The following ANAPC10 variants were observed in gnomAD, a reference collection of about 807,000 sequenced individuals.
The protein encoded by ANAPC10 is anaphase promoting complex subunit 10, also known as anaphase-promoting complex subunit 10.
In ANAPC10, 12 loss-of-function variants were observed where a neutral mutation model predicts 22.0. The ratio of observed to expected loss-of-function variants is 0.55; its 90% CI spans 0.35 to 0.88. The LOEUF is 0.88. Among genes scored for constraint, ANAPC10 ranks in the 40% least tolerant of loss-of-function variants. ANAPC10 has a pLI of 0.01. For missense variants in ANAPC10, 188 were observed against 220.9 expected (o/e 0.85, Z 0.94); for synonymous variants, 65 against 69.5 (o/e 0.94, Z 0.32).
intron 4 of ANAPC10, among the ~76,000 whole-genome samples, chr4:145,059,623 T>C (rs1742584840): frequency 1.3e-5 from 2 of 152,138 alleles, no homozygotes; most frequent in African/African-American, 2.4e-5. Context: ...TTGTTTCTCA[T>C]ATAACAATAT....
At chr4:145,001,490 T>C (rs1227833422) in intron 4 of ANAPC10, among the ~76,000 whole-genome samples, 3 of 152,088 alleles carry the variant, frequency 2.0e-5, no homozygotes, top group Non-Finnish European at 4.4e-5. Context: ...GTTTACATGG[T>C]AGAGAGTTAA....
chr4:145,005,980 A>G (rs887561174), intron 4 of ANAPC10, among the ~76,000 whole-genome samples: 3 of 152,038 alleles, frequency 2.0e-5, no homozygotes, highest in Non-Finnish European at 2.9e-5. Context: ...CCATTTAGTT[A>G]AGTGTTGAGT....
chr4:145,035,585 G>T (rs1180141506), intron 4 of ANAPC10: 2 of 152,190 alleles, frequency 1.3e-5, no homozygotes, highest in Admixed American at 6.5e-5. Context: ...TAAGAAAAAA[G>T]AAATCAACTT....
At position 145,071,263 on chromosome 4, in the gene ANAPC10, AG is replaced by A. The variant is rs1579105392; in HGVS notation, c.207-6572del. The stretch of plus-strand genomic sequence containing the variant: ...CTCTATTAAAAATACAAAATTAGCC[AG>A]GCGTGGTGATGCATGCCTGTAATCC... On this transcript the variant is annotated intron_variant, in intron 3 of 4. Coordinates refer to ENST00000507656, the MANE Select transcript of ANAPC10 (RefSeq NM_001256706.2). Among the ~76,000 whole-genome samples, 6 of 152,226 alleles carry A rather than the reference AG, an allele frequency of 3.9e-5. No individual in the cohort carries two copies. The East Asian group carries it at 1.2e-3, about 29-fold the overall frequency.
At chr4:145,036,211 A>C (rs1001636786) in intron 4 of ANAPC10, among the ~76,000 whole-genome samples, 2 of 152,202 alleles carry the variant, frequency 1.3e-5, no homozygotes, top group Non-Finnish European at 2.9e-5. Flanking sequence ...AACCTACACT[A>C]GTAAGATGAA....
rs111592959 is a variant in ANAPC10 at position 145,012,176 on chromosome 4, G to GTATATA, written c.328-16579_328-16574dup. On this transcript the variant is annotated intron_variant, in intron 4 of 4. Transcript: ENST00000507656. ...AAGCTATATGTATATGTGTGTGTGT[G>GTATATA]TATATATATATATATATATACACAC... Among the ~76,000 whole-genome samples, 196 of 140,620 alleles carry GTATATA rather than the reference G, an allele frequency of 1.4e-3. 1 individual carries two copies. The highest frequency in any genetic ancestry group is 3.1e-3 in the East Asian group (15 of 4,828). 92.3% of individuals were successfully genotyped at this position (140,620 alleles called of 152,430 possible).
At chr4:145,003,647 T>C (rs1450017506) in intron 4 of ANAPC10, among the ~76,000 whole-genome samples, 1 of 152,204 alleles carries the variant, frequency 6.6e-6, no homozygotes, top group Non-Finnish European at 1.5e-5. Context: ...GATCAGATGG[T>C]TGCAGGTGTG....
intron 3 of ANAPC10, among the ~76,000 whole-genome samples, chr4:145,065,926 T>C (rs1579087786): frequency 6.6e-6 from 1 of 152,038 alleles, no homozygotes; most frequent in African/African-American, 2.4e-5. Flanking sequence ...TTTATGATTT[T>C]TAAAGTTTCT....
chr4:145,055,175 G>T (rs1453200722), intron 4 of ANAPC10, among the ~76,000 whole-genome samples: 1 of 152,132 alleles, frequency 6.6e-6, no homozygotes, highest in Non-Finnish European at 1.5e-5. Context: ...TAGGCAAGAG[G>T]TGGGAACAAC....
intron 3 of ANAPC10, among the ~76,000 whole-genome samples, chr4:145,076,845 T>A (rs1040483576): frequency 1.3e-5 from 2 of 152,204 alleles, no homozygotes; most frequent in African/African-American, 4.8e-5. Flanking sequence ...ACACACCAAG[T>A]TGAGGAAAGA....
chr4:145,014,316 T>C (rs1734782976), intron 4 of ANAPC10, among the ~76,000 whole-genome samples: 1 of 151,958 alleles, frequency 6.6e-6, no homozygotes. Context: ...GATTGCTGGC[T>C]TTCCCCCACT....
chr4:145,082,624 T>C (rs988129014), intron 2 of ANAPC10, among the ~76,000 whole-genome samples: 1 of 152,216 alleles, frequency 6.6e-6, no homozygotes, highest in East Asian at 1.9e-4. Flanking sequence ...AAAAGGCATA[T>C]ATATTCTGAA....
intron 4 of ANAPC10, among the ~76,000 whole-genome samples, chr4:145,024,036 T>A (rs1181603281): frequency 6.6e-6 from 1 of 152,200 alleles, no homozygotes; most frequent in Non-Finnish European, 1.5e-5. Flanking sequence ...GTTCACAGCA[T>A]CTTTACCAGG....
chr4:145,053,782 T>TA, intron 4 of ANAPC10: 1 of 647,528 alleles, frequency 1.5e-6, no homozygotes, highest in African/African-American at 1.9e-5. Flanking sequence ...AACATGAGGC[T>TA]GAAAAAAAAA....
At chr4:145,012,708 G>C (rs969372056) in intron 4 of ANAPC10, among the ~76,000 whole-genome samples, 1 of 152,164 alleles carries the variant, frequency 6.6e-6, no homozygotes, top group African/African-American at 2.4e-5. Flanking sequence ...GGCTTTATCA[G>C]TTGGACTGGC....
At chr4:145,088,171 AG>A (rs1747167352) in intron 2 of ANAPC10, among the ~76,000 whole-genome samples, 1 of 152,176 alleles carries the variant, frequency 6.6e-6, no homozygotes, top group African/African-American at 2.4e-5. Context: ...GCCACTTCTT[AG>A]TATCCTTTGT....
Position 145,068,140 on chromosome 4 carries a change from C to G in ANAPC10, c.207-3448G>C, listed in dbSNP as rs1284074627. Among the ~76,000 whole-genome samples the G allele has an allele frequency of 3.0e-4, 46 of 152,194 alleles. 2 individuals carry two copies. Among genetic ancestry groups the G allele is most frequent in the Admixed American group, 2.9e-3 (44 of 15,284 alleles). ...ATACCACTCCTGGACTGCCAGGCTC[C>G]TCTTACACGAAGAGGTAGAAGAAAT... On this transcript the variant is annotated intron_variant, in intron 3 of 4. Transcript: ENST00000507656.
chr4:145,067,018 C>A (rs1241781520), intron 3 of ANAPC10, among the ~76,000 whole-genome samples: 1 of 149,704 alleles, frequency 6.7e-6, no homozygotes, highest in Non-Finnish European at 1.5e-5. Flanking sequence ...GGTTCACGTA[C>A]CCACAGAAAT....
intron 4 of ANAPC10, among the ~76,000 whole-genome samples, chr4:145,031,233 G>A (rs150678034): frequency 6.6e-6 from 1 of 152,182 alleles, no homozygotes; most frequent in Admixed American, 6.5e-5. Flanking sequence ...ATATCACACT[G>A]GTCCATTACA....
Sources: gnomAD v4.1 joint callset for allele counts (sites outside exome capture counted in the v4.1 genomes callset) on GRCh38, gnomAD v4.1.1 for gene constraint, MANE v1.5 for transcripts, NCBI Gene and HGNC (gene_info 2026-07-23, HGNC 2026-07-21) for gene names.